DLGAP4: variants seen among roughly 807,000 people sequenced by gnomAD.
The protein encoded by DLGAP4 is DLG associated protein 4.
In DLGAP4, 18 loss-of-function variants were observed where a neutral mutation model predicts 86.9. The observed-to-expected ratio is 0.21, with a 90% CI of 0.14 to 0.31. The LOEUF is 0.31. Among genes scored for constraint, DLGAP4 ranks in the 10% least tolerant of loss-of-function variants. The probability of loss-of-function intolerance (pLI) is 1.00; values close to 1 mark genes in which losing one functional copy is unlikely to be tolerated. For missense variants in DLGAP4, 1,085 were observed against 1,362.6 expected, an observed-to-expected ratio of 0.80 and a Z score of 3.21; for synonymous variants, 548 against 574.3, an observed-to-expected ratio of 0.95 and a Z score of 0.65.
intron 1 of DLGAP4, among the ~76,000 whole-genome samples, chr20:36,315,697 C>T (rs2065092736): frequency 6.6e-6 from 1 of 152,090 alleles, no homozygotes; most frequent in Admixed American, 6.5e-5. Flanking sequence ...CTCTCAGCCT[C>T]CTCTTGTGTG....
chr20:36,329,359 T>C lies in DLGAP4; in HGVS notation c.-304+22847T>C, dbSNP rs75802852. On this transcript the variant is annotated intron_variant, in intron 1 of 12. Transcript: ENST00000339266. ...TTATGTGACCTGGGACTAGTTACTC[T>C]ACCTTTCTGAAGTTTCATTTGCTTA... Among the ~76,000 whole-genome samples, 50 of 152,364 alleles carry C rather than the reference T, an allele frequency of 3.3e-4. No individual in the cohort carries two copies. The East Asian group carries it at 9.4e-3, about 29-fold the overall frequency.
At chr20:36,439,952 C>A in intron 5 of DLGAP4, 84 bp downstream of exon 5, 1 of 1,234,846 alleles carries the variant, frequency 8.1e-7, no homozygotes, top group Non-Finnish European at 1.2e-6. Context: ...CAGGCCCAGC[C>A]CATGCTGAGT....
At chr20:36,499,356 CTCCCGCCCACCT>C in intron 8 of DLGAP4, 1 of 1,603,024 alleles carries the variant, frequency 6.2e-7, no homozygotes, top group Non-Finnish European at 8.5e-7. Context: ...CCCATCCCAC[CTCCCGCCCACCT>C]GCCCGCCCGC....
intron 2 of DLGAP4, among the ~76,000 whole-genome samples, chr20:36,380,675 C>T (rs1263438292): frequency 1.4e-5 from 2 of 145,800 alleles, no homozygotes; most frequent in South Asian, 4.4e-4. Flanking sequence ...ATCTCAGAGG[C>T]AGGCAGGCAA....
chr20:36,520,282 C>T (rs530912493), intron 10 of DLGAP4, among the ~76,000 whole-genome samples: 1 of 152,204 alleles, frequency 6.6e-6, no homozygotes, highest in Non-Finnish European at 1.5e-5. Context: ...TGGCATTAAA[C>T]CCTTATCAGA....
intron 1 of DLGAP4, among the ~76,000 whole-genome samples, chr20:36,314,075 G>C (rs1407451246): frequency 1.3e-5 from 2 of 152,136 alleles, no homozygotes; most frequent in South Asian, 4.2e-4. Context: ...CTGCCACCTC[G>C]GGGTGTGAGG....
chr20:36,313,162 C>A, intron 1 of DLGAP4, among the ~76,000 whole-genome samples: 1 of 152,140 alleles, frequency 6.6e-6, no homozygotes, highest in South Asian at 2.1e-4. Flanking sequence ...GGGAGGGAGC[C>A]TTTCCTTCCC....
chr20:36,437,141 C>A (rs754907749), intron 4 of DLGAP4, among the ~76,000 whole-genome samples: 1 of 152,206 alleles, frequency 6.6e-6, no homozygotes, highest in Non-Finnish European at 1.5e-5. Flanking sequence ...TAAGTGAACC[C>A]GCCATCAGGT....
chr20:36,499,104 G>C (rs2036009017), intron 8 of DLGAP4: 1 of 832,816 alleles, frequency 1.2e-6, no homozygotes, highest in African/African-American at 1.7e-5. Flanking sequence ...TCTGCCACAG[G>C]GTTCAGGGAG....
At chr20:36,516,947 T>C (rs1429568713) in intron 10 of DLGAP4, among the ~76,000 whole-genome samples, 1 of 151,950 alleles carries the variant, frequency 6.6e-6, no homozygotes, top group African/African-American at 2.4e-5. Flanking sequence ...GCTAATTTTA[T>C]ATTTTGTATC....
intron 1 of DLGAP4, among the ~76,000 whole-genome samples, chr20:36,330,783 A>G (rs1187022959): frequency 2.6e-5 from 4 of 152,086 alleles, no homozygotes; most frequent in African/African-American, 9.7e-5. Context: ...CGTGTTAGTC[A>G]AGATGGTCTC....
intron 1 of DLGAP4, among the ~76,000 whole-genome samples, chr20:36,325,636 C>T (rs2065208224): frequency 6.6e-6 from 1 of 152,054 alleles, no homozygotes; most frequent in South Asian, 2.1e-4. Flanking sequence ...TTATTCAATA[C>T]ATACATATTT....
At chr20:36,411,515 T>C (rs1172753035) in intron 2 of DLGAP4, among the ~76,000 whole-genome samples, 3 of 152,114 alleles carry the variant, frequency 2.0e-5, no homozygotes, top group Admixed American at 6.6e-5. Flanking sequence ...TTTGGGATGT[T>C]TTCAGCCCTT....
chr20:36,327,522 G>T (rs1421740807), intron 1 of DLGAP4, among the ~76,000 whole-genome samples: 1 of 151,840 alleles, frequency 6.6e-6, no homozygotes, highest in African/African-American at 2.4e-5. Context: ...CTATCCATCT[G>T]CTAGGCCGAG....
intron 2 of DLGAP4, among the ~76,000 whole-genome samples, chr20:36,379,391 C>T (rs1344151921): frequency 6.6e-6 from 1 of 152,218 alleles, no homozygotes; most frequent in Non-Finnish European, 1.5e-5. Flanking sequence ...ATCTGCCGCA[C>T]ATGCTGTTGG....
At chr20:36,481,105 C>T (rs954214859) in intron 7 of DLGAP4, among the ~76,000 whole-genome samples, 4 of 152,176 alleles carry the variant, frequency 2.6e-5, no homozygotes, top group African/African-American at 4.8e-5. Flanking sequence ...GTCTCAGGCC[C>T]GGTAGGAATC....
intron 2 of DLGAP4, among the ~76,000 whole-genome samples, chr20:36,395,068 C>T (rs964635055): frequency 6.6e-6 from 1 of 152,102 alleles, no homozygotes; most frequent in East Asian, 1.9e-4. Flanking sequence ...GTCCCTTCAC[C>T]CAACACACAC....
At chr20:36,341,951 TCTC>T (rs2147375284) in intron 1 of DLGAP4, among the ~76,000 whole-genome samples, 1 of 152,270 alleles carries the variant, frequency 6.6e-6, no homozygotes, top group Non-Finnish European at 1.5e-5. Context: ...CATTCGACTT[TCTC>T]CTCATTTCTT....
intron 7 of DLGAP4, among the ~76,000 whole-genome samples, chr20:36,459,894 A>G (rs2147609950): frequency 6.6e-6 from 1 of 152,286 alleles, no homozygotes; most frequent in Admixed American, 6.5e-5. Flanking sequence ...GGCGTGAGCC[A>G]CCACACTCGG....
Sources: gnomAD v4.1 joint callset for allele counts (sites outside exome capture counted in the v4.1 genomes callset) on GRCh38, gnomAD v4.1.1 for gene constraint, MANE v1.5 for transcripts, NCBI Gene and HGNC (gene_info 2026-07-23, HGNC 2026-07-21) for gene names.